GRM5: variants seen among roughly 807,000 people sequenced by gnomAD.
GRM5 encodes metabotropic glutamate receptor 5.
A neutral mutation model predicts 83.1 loss-of-function variants in GRM5; 19 were observed. That is an observed-to-expected ratio of 0.23 (90% CI 0.16 to 0.34). GRM5 has a LOEUF of 0.34. Among genes scored for constraint, GRM5 ranks in the 10% least tolerant of loss-of-function variants. The probability of loss-of-function intolerance (pLI) is 1.00; values close to 1 mark genes in which losing one functional copy is unlikely to be tolerated. For synonymous variants in GRM5, 675 were observed against 633.6 expected, an observed-to-expected ratio of 1.07 and a Z score of -0.98; for missense variants, 1,160 against 1,588.3, an observed-to-expected ratio of 0.73 and a Z score of 4.58.
intron 2 of GRM5, among the ~76,000 whole-genome samples, chr11:89,012,626 AT>A (rs1940735028): frequency 6.6e-6 from 1 of 152,240 alleles, no homozygotes; most frequent in Non-Finnish European, 1.5e-5. Flanking sequence ...GAAACCTTTG[AT>A]AGCCAATGTC....
chr11:88,771,368 G>A (rs916309400), intron 3 of GRM5, among the ~76,000 whole-genome samples: 1 of 152,108 alleles, frequency 6.6e-6, no homozygotes, highest in Non-Finnish European at 1.5e-5. Flanking sequence ...TAAAAGTACG[G>A]AAACTGACAA....
At position 88,849,460 on chromosome 11, in the gene GRM5, A is replaced by C. The variant is rs545714901; in HGVS notation, c.911+446T>G. Among the ~76,000 whole-genome samples, 19 of 152,276 alleles carry C rather than the reference A, an allele frequency of 1.2e-4. No individual in the cohort carries two copies. In the East Asian group the frequency reaches 3.3e-3, roughly 26 times the overall value. ...TTTTTGTGATATAAAATAACAAGCC[A>C]ATTTTCTAATGCTTTAAAAATGTGC... On this transcript the variant is annotated intron_variant, in intron 3 of 9. Transcript: ENST00000305447.
intron 3 of GRM5, among the ~76,000 whole-genome samples, chr11:88,755,339 A>G (rs978714426): frequency 6.6e-6 from 1 of 152,158 alleles, no homozygotes; most frequent in Non-Finnish European, 1.5e-5. Context: ...CTTGGTCAAT[A>G]TTAACATGAA....
intron 2 of GRM5, among the ~76,000 whole-genome samples, chr11:89,001,173 A>G (rs1482277315): frequency 2.6e-5 from 4 of 152,132 alleles, no homozygotes; most frequent in Non-Finnish European, 5.9e-5. Context: ...AAAATTGCCA[A>G]ACTACATTTT....
chr11:88,681,146 A>T (rs1940475280), intron 3 of GRM5, among the ~76,000 whole-genome samples: 1 of 151,940 alleles, frequency 6.6e-6, no homozygotes, highest in Non-Finnish European at 1.5e-5. Context: ...TCACCATTTC[A>T]CCCTTTCCAG....
At chr11:89,036,567 T>C (rs1941390501) in intron 2 of GRM5, among the ~76,000 whole-genome samples, 1 of 152,000 alleles carries the variant, frequency 6.6e-6, no homozygotes, top group Admixed American at 6.6e-5. Context: ...CAAAACAATC[T>C]TATAGGGCAG....
chr11:88,702,745 T>G (rs201821358), intron 3 of GRM5, among the ~76,000 whole-genome samples: 1 of 152,018 alleles, frequency 6.6e-6, no homozygotes, highest in Non-Finnish European at 1.5e-5. Flanking sequence ...AATGAGGCTG[T>G]TTTTGTGTGG....
rs1010417905 is a variant in GRM5 at position 88,742,982 on chromosome 11, G to C, written c.912-89579C>G. On this transcript the variant is annotated intron_variant, in intron 3 of 9. Transcript: ENST00000305447. ...AATGGCATCAAGGACTAGTATTAGAGAGGATATAGCCCCCGACAAATTCTA... is the reference window on the plus strand; with the variant it reads ...AATGGCATCAAGGACTAGTATTAGACAGGATATAGCCCCCGACAAATTCTA... 4.6e-5 allele frequency among the ~76,000 whole-genome samples: 7 copies of C among 152,128 alleles called. No individual in the cohort carries two copies. The South Asian group carries it at 1.0e-3, about 22-fold the overall frequency.
intron 3 of GRM5, among the ~76,000 whole-genome samples, chr11:88,813,555 A>G (rs1419056787): frequency 6.6e-6 from 1 of 152,200 alleles, no homozygotes; most frequent in Non-Finnish European, 1.5e-5. Flanking sequence ...AATGACTTCT[A>G]GTTTTCCCAG....
chr11:88,820,696 T>C (rs1356936790), intron 3 of GRM5, among the ~76,000 whole-genome samples: 1 of 152,236 alleles, frequency 6.6e-6, no homozygotes, highest in African/African-American at 2.4e-5. Flanking sequence ...GTATACAAAA[T>C]ATTTCGTAAA....
intron 2 of GRM5, among the ~76,000 whole-genome samples, chr11:89,039,750 G>A (rs146351464): frequency 0.01 from 1,555 of 152,226 alleles, 19 homozygotes; most frequent in African/African-American, 0.036. Context: ...AATTTATTCT[G>A]AGGATATGAT....
intron 2 of GRM5, among the ~76,000 whole-genome samples, chr11:88,893,667 G>C (rs920953014): frequency 6.6e-6 from 1 of 152,026 alleles, no homozygotes; most frequent in Non-Finnish European, 1.5e-5. Flanking sequence ...CCATTGGAAT[G>C]ACTGACAGCA....
chr11:88,945,241 G>A (rs1393683173), intron 2 of GRM5, among the ~76,000 whole-genome samples: 1 of 151,762 alleles, frequency 6.6e-6, no homozygotes, highest in Non-Finnish European at 1.5e-5. Context: ...AGAAATCATA[G>A]ATGACACAAA....
At chr11:88,627,368 T>A (rs201877522) in intron 4 of GRM5, among the ~76,000 whole-genome samples, 1 of 151,950 alleles carries the variant, frequency 6.6e-6, no homozygotes, top group Non-Finnish European at 1.5e-5. Flanking sequence ...CCCTATAATT[T>A]CTTTGTGGCA....
intron 7 of GRM5, among the ~76,000 whole-genome samples, chr11:88,577,161 A>G (rs1295998263): frequency 1.3e-5 from 2 of 151,880 alleles, no homozygotes; most frequent in East Asian, 1.9e-4. Context: ...AAATTACATT[A>G]CCTTTCCTAA....
In GRM5 at chr11:88,508,616, G is replaced by GTAA. The variant is rs769526263; in HGVS notation, c.3612_3614dup (p.Tyr1205dup). ...TTCACAACGACGAGGAGCTCTGAGT[G>GTAA]TAATCTCTTATGATAAGAGTGTCAT... On this transcript the variant is annotated inframe_insertion, in exon 10 of 10. Coordinates refer to ENST00000305447, the MANE Select transcript of GRM5 (RefSeq NM_001143831.3). The surrounding 1 kb of genome is among the most constrained non-coding windows in gnomAD (Gnocchi z 4.2). The GTAA allele has an allele frequency of 5.0e-6, 8 of 1,609,748 alleles. No individual in the cohort carries two copies. In the Admixed American group the frequency reaches 8.4e-5, roughly 17 times the overall value.
chr11:88,964,278 C>T (rs1938877345), intron 2 of GRM5, among the ~76,000 whole-genome samples: 1 of 151,996 alleles, frequency 6.6e-6, no homozygotes, highest in African/African-American at 2.4e-5. Flanking sequence ...AGGATGTTAC[C>T]TTCCCATCCA....
chr11:88,799,531 A>G (rs575736497), intron 3 of GRM5, among the ~76,000 whole-genome samples: 1 of 152,272 alleles, frequency 6.6e-6, no homozygotes, highest in South Asian at 2.1e-4. Flanking sequence ...CAGTGGAGTT[A>G]TATATAATAT....
intron 2 of GRM5, among the ~76,000 whole-genome samples, chr11:88,983,386 T>C (rs963613602): frequency 2.6e-5 from 4 of 152,212 alleles, no homozygotes; most frequent in Admixed American, 6.5e-5. Flanking sequence ...ATTGCCAGAA[T>C]GTTTTGGTCA....
Sources: allele counts gnomAD v4.1 joint callset (sites outside exome capture counted in the v4.1 genomes callset), GRCh38; gene constraint gnomAD v4.1.1; non-coding constraint Gnocchi (gnomAD v3.1); transcripts MANE v1.5; gene names NCBI Gene and HGNC (gene_info 2026-07-23, HGNC 2026-07-21).